Variants in STAG3 observed in about 807,000 individuals in gnomAD.
STAG3 encodes the protein cohesin subunit SA-3.
STAG3 carries 101 observed loss-of-function variants against 160.7 expected under a neutral mutation model. That is an observed-to-expected ratio of 0.63 (90% confidence interval 0.54 to 0.74). STAG3 has a LOEUF of 0.74. Ranked by LOEUF, STAG3 falls within the 30% of genes least tolerant of loss-of-function variation. The probability of loss-of-function intolerance (pLI) is 0.00; values close to 1 mark genes in which losing one functional copy is unlikely to be tolerated. For synonymous variants in STAG3, 519 were observed against 585.0 expected, an observed-to-expected ratio of 0.89 and a Z score of 1.63; for missense variants, 1,188 against 1,517.4, an observed-to-expected ratio of 0.78 and a Z score of 3.61.
At chr7:100,180,199 A>G (rs1396223505) in intron 1 of STAG3, among the ~76,000 whole-genome samples, 1 of 152,038 alleles carries the variant, frequency 6.6e-6, no homozygotes, top group African/African-American at 2.4e-5. Context: ...GAATACAGGC[A>G]TGCTCTACCA....
At position 100,189,402 on chromosome 7, in the gene STAG3, G is replaced by C. The variant is rs760496098; in HGVS notation, c.716-43G>C. ...TCCTTCTACTCATCCTCTCTCCTCT[G>C]ACCTCAGTAATGATTTCTTTATCTC... is the stretch of plus-strand genomic sequence containing the variant. On this transcript the variant is annotated intron_variant, in intron 7 of 33. Transcript: ENST00000615138. 4 of 1,587,072 alleles carry C rather than the reference G, an allele frequency of 2.5e-6. No individual in the cohort carries two copies. In the Admixed American group the frequency reaches 5.4e-5, roughly 22 times the overall value.
chr7:100,205,367 A>G lies in STAG3; in HGVS notation c.3221A>G (p.Lys1074Arg). ...AGCCCTCAGGTCCTCCCCAGCTCCA[A>G]GAGGAGGCGCGTTGAAGGTAGGGTG... ...ETSPQVLPSS[K>R]RRRVEGPAKP... Residue 1074 changes from lysine to arginine, a missense_variant, in exon 29 of 34, where the codon AAG (lysine) becomes AGG (arginine). Lys to Arg is a conservative substitution (Grantham distance 26). This residue lies in a region of STAG3 where 647 missense variants were observed against 717.2 expected (regional missense o/e 0.90). Coordinates refer to ENST00000615138, the MANE Select transcript of STAG3 (RefSeq NM_001282717.2). 1 of 1,613,380 alleles carries G rather than the reference A, an allele frequency of 6.2e-7. No homozygotes were observed. The highest frequency in any genetic ancestry group is 1.3e-5 in the African/African-American group (1 of 74,986).
chr7:100,182,633 A>G (rs1584651401), intron 3 of STAG3, 90 bp from the exon 4 acceptor site: 2 of 1,377,894 alleles, frequency 1.5e-6, no homozygotes, highest in East Asian at 4.6e-5. Context: ...GCTTAAGCCT[A>G]CTTGTGTGAT....
chr7:100,194,949 C>T (rs1800583159), intron 8 of STAG3, among the ~76,000 whole-genome samples: 1 of 152,116 alleles, frequency 6.6e-6, no homozygotes, highest in Admixed American at 6.5e-5. Context: ...GATAGGTATG[C>T]TCAATGCAGG....
intron 32 of STAG3, 33 bp from the exon 33 acceptor site, chr7:100,213,701 AG>A: frequency 1.2e-6 from 2 of 1,614,024 alleles, no homozygotes; most frequent in Non-Finnish European, 1.7e-6. Flanking sequence ...GAGTGTGTAA[AG>A]GCCTTTTTGA....
rs1373727772 is a variant in STAG3 at position 100,195,309 on chromosome 7, C to G, written c.868C>G (p.Leu290Val). 1 of 1,614,130 alleles carries G rather than the reference C, an allele frequency of 6.2e-7. No homozygotes were observed. Among genetic ancestry groups the G allele is most frequent in the South Asian group, 1.1e-5 (1 of 91,086 alleles). ...LESLLEKRKE[L>V]QEHQEEIEGM... ...TAACCCGTTTCTCCCTGTCCTCCAGCTCCAAGAGCATCAAGAGGAGATTGA... is the reference window on the plus strand; with the variant it reads ...TAACCCGTTTCTCCCTGTCCTCCAGGTCCAAGAGCATCAAGAGGAGATTGA... Residue 290 changes from leucine (L) to valine (V), a missense_variant and splice_region_variant, in exon 9 of 34, where the codon CTC (leucine) becomes GTC (valine). Leu to Val is a conservative substitution (Grantham distance 32, BLOSUM62 1). Transcript: ENST00000615138.
intron 8 of STAG3, 50 bp downstream of exon 8, chr7:100,189,646 A>G (rs748000402): frequency 1.3e-6 from 2 of 1,577,106 alleles, no homozygotes; most frequent in Non-Finnish European, 1.7e-6. Context: ...ACTTGCACCC[A>G]CTTCTGCCAC....
Position 100,204,155 on chromosome 7 carries a change from C to G in STAG3, c.2802+33C>G, listed in dbSNP as rs372266378. On this transcript the variant is annotated intron_variant, in intron 26 of 33. Coordinates refer to ENST00000615138, the MANE Select transcript of STAG3 (RefSeq NM_001282717.2). ...CTTCTGCCTTGAGGACATGCCAGCC[C>G]TGTTGTCCCCAAGTCTCTGTCTACC... 6.5e-6 allele frequency: 10 copies of G among 1,544,422 alleles called. No homozygotes were observed. In the Middle Eastern group the frequency reaches 8.4e-4, roughly 130 times the overall value.
chr7:100,214,251 C>G lies in STAG3; in HGVS notation c.*236C>G. 2 of 578,668 alleles carry G rather than the reference C, an allele frequency of 3.5e-6. No individual in the cohort carries two copies. The highest frequency in any genetic ancestry group is 6.1e-6 in the Non-Finnish European group (2 of 327,324). 35.8% of individuals were successfully genotyped at this position (578,668 alleles called of 1,614,324 possible). On this transcript the variant is annotated 3_prime_UTR_variant, in exon 34 of 34. Transcript: ENST00000615138. ...CCAGTCCCCTTGCCTTTTTCCTGTT[C>G]TGTTTGGAGTGGAGAAGGGCAGCAC...
At chr7:100,194,139 G>T (rs758071019) in intron 8 of STAG3, among the ~76,000 whole-genome samples, 2 of 151,838 alleles carry the variant, frequency 1.3e-5, no homozygotes, top group Non-Finnish European at 2.9e-5. Flanking sequence ...TAGAGACGGG[G>T]TTTCGCCATG....
intron 25 of STAG3, 48 bp from the exon 26 acceptor site, chr7:100,203,973 G>T (rs1351841869): frequency 7.6e-7 from 1 of 1,312,896 alleles, no homozygotes; most frequent in Admixed American, 1.7e-5. Context: ...GAAACCAAAT[G>T]GTCTTTTCCA....
At chr7:100,178,832 C>CT (rs10632661) in intron 1 of STAG3, among the ~76,000 whole-genome samples, 2,580 of 142,902 alleles carry the variant, frequency 0.018, 66 homozygotes, top group African/African-American at 0.056. Flanking sequence ...TTTGTCATTA[C>CT]TTTTTTTTTT....
In STAG3 at chr7:100,198,107, C is replaced by T; in HGVS notation, c.1185C>T (p.Val395=). The T allele has an allele frequency of 6.2e-7, 1 of 1,613,896 alleles. No individual in the cohort carries two copies. Among genetic ancestry groups the T allele is most frequent in the East Asian group, 2.2e-5 (1 of 44,874 alleles). Reference sequence around the variant, plus strand: ...TGCAGGACCGGATGGTTTCCATGGTCATGGACAGAGAGTATGATGTGGCAG... The same window carrying T: ...TGCAGGACCGGATGGTTTCCATGGTTATGGACAGAGAGTATGATGTGGCAG... ...SRFKDRMVSM[V]MDREYDVAVE... Residue 395 remains valine, a synonymous_variant, in exon 12 of 34, where the codon GTC becomes GTT. Coordinates refer to ENST00000615138, the MANE Select transcript of STAG3 (RefSeq NM_001282717.2).
chr7:100,198,270 T>C, intron 12 of STAG3, 104 bp downstream of exon 12: 1 of 1,255,580 alleles, frequency 8.0e-7, no homozygotes. Flanking sequence ...GCAGGTTGAC[T>C]GAGGTCATTC....
intron 31 of STAG3, 93 bp downstream of exon 31, chr7:100,211,632 T>C (rs1802218210): frequency 6.8e-7 from 1 of 1,479,474 alleles, no homozygotes; most frequent in Non-Finnish European, 9.3e-7. Context: ...CTGTGGGTGC[T>C]TTTTGGACTT....
At position 100,182,713 on chromosome 7, in the gene STAG3, T is replaced by A. The variant is rs1562965089; in HGVS notation, c.220-10T>A. On this transcript the variant is annotated splice_polypyrimidine_tract_variant and intron_variant, in intron 3 of 33. Transcript: ENST00000615138. ...TTTTTTCATATTTCTGATCTTTTTA[T>A]ACATATTAGGTGGCAAAACATCCAA... 1 of 1,612,460 alleles carries A rather than the reference T, an allele frequency of 6.2e-7. No individual in the cohort carries two copies. Among genetic ancestry groups the A allele is most frequent in the Non-Finnish European group, 8.5e-7 (1 of 1,179,348 alleles).
chr7:100,184,518 A>T (rs1368197894), intron 4 of STAG3, among the ~76,000 whole-genome samples: 2 of 115,938 alleles, frequency 1.7e-5, no homozygotes, highest in African/African-American at 6.9e-5. Flanking sequence ...GCCAGGCTGG[A>T]GTGCAGTGAC....
rs1192240103 is a variant in STAG3, at chr7:100,205,271, C to G, written c.3125C>G (p.Pro1042Arg). Residue 1042 changes from proline (P) to arginine (R), a missense_variant, in exon 29 of 34, where the codon CCT becomes CGT. By Grantham distance (103) the Pro-to-Arg change is moderately radical. Around this residue, in one of 4 missense-constraint regions of STAG3, gnomAD observed 647 missense variants for 717.2 expected, o/e 0.90. Transcript: ENST00000615138. ...EKCLQHVSQA[P>R]GHPWGPVTTY... Reference sequence around the variant, plus strand: ...TGCCTGCAGCATGTCTCCCAGGCACCTGGCCATCCCTGGGGCCCAGTCACC... The same window carrying G: ...TGCCTGCAGCATGTCTCCCAGGCACGTGGCCATCCCTGGGGCCCAGTCACC... The G allele has an allele frequency of 6.2e-7, 1 of 1,614,124 alleles. No individual in the cohort carries two copies. The highest frequency in any genetic ancestry group is 1.7e-5 in the Admixed American group (1 of 60,014).
chr7:100,211,144 G>C lies in STAG3; in HGVS notation c.3372G>C (p.Glu1124Asp). The change falls in exon 30 of 34, where the codon GAG (glutamate) becomes GAC (aspartate). Residue 1124 changes from glutamate to aspartate, a missense_variant. Physicochemically the swap from Glu to Asp is conservative, Grantham distance 45. Transcript: ENST00000615138. The part of the protein sequence containing the change: ...KSRQPLWGLK[E>D]MEEEDGSELD... ...GGCAGCCCCTGTGGGGGTTGAAAGAGATGGAGGAAGAAGATGGCTCAGAGT... is the reference window on the plus strand; with the variant it reads ...GGCAGCCCCTGTGGGGGTTGAAAGACATGGAGGAAGAAGATGGCTCAGAGT... 6.3e-7 allele frequency: 1 copy of C among 1,599,294 alleles called. No homozygotes were observed. The highest frequency in any genetic ancestry group is 8.5e-7 in the Non-Finnish European group (1 of 1,172,494).
Sources: gnomAD v4.1 joint callset for allele counts (sites outside exome capture counted in the v4.1 genomes callset) on GRCh38, gnomAD v4.1.1 for gene constraint, gnomAD v4.1.1 regional missense constraint, MANE v1.5 for transcripts, NCBI Gene and HGNC (gene_info 2026-07-23, HGNC 2026-07-21) for gene names.